Variants in MARCHF1 observed in about 807,000 individuals in gnomAD.
The protein encoded by MARCHF1 is membrane associated ring-CH-type finger 1.
In MARCHF1, 40 loss-of-function variants were observed where a neutral mutation model predicts 54.2. The observed-to-expected ratio is 0.74, with a 90% confidence interval of 0.57 to 0.96. The LOEUF (loss-of-function observed/expected upper bound fraction) is 0.96, where lower values mean the gene tolerates loss of function less well. MARCHF1 is among the 40% of genes least tolerant of loss of function. MARCHF1 has a pLI of 0.00. For missense variants in MARCHF1, 586 were observed against 656.5 expected, an observed-to-expected ratio of 0.89 and a Z score of 1.17; for synonymous variants, 236 against 236.3, an observed-to-expected ratio of 1.00 and a Z score of 0.01.
At chr4:164,093,021 C>T (rs1579526589) in intron 2 of MARCHF1, among the ~76,000 whole-genome samples, 3 of 152,030 alleles carry the variant, frequency 2.0e-5, no homozygotes, top group South Asian at 2.1e-4. Flanking sequence ...ATTTGAAGGT[C>T]GGGTTAATAA....
At chr4:164,322,452 G>A (rs1318031268) in intron 1 of MARCHF1, among the ~76,000 whole-genome samples, 2 of 151,834 alleles carry the variant, frequency 1.3e-5, no homozygotes, top group Admixed American at 1.3e-4. Context: ...GGGAGGTGGG[G>A]GTGGTTAATT....
At chr4:163,741,410 C>A (rs1746191317) in intron 4 of MARCHF1, among the ~76,000 whole-genome samples, 1 of 151,774 alleles carries the variant, frequency 6.6e-6, no homozygotes, top group Admixed American at 6.6e-5. Flanking sequence ...CATGATGAAA[C>A]CCCATCTCTA....
intron 1 of MARCHF1, among the ~76,000 whole-genome samples, chr4:164,191,162 G>A (rs1050767838): frequency 2.0e-5 from 3 of 152,134 alleles, no homozygotes. Context: ...TTCGGAGTAT[G>A]GATTGAACGT....
At chr4:164,288,627 T>C (rs1473592178) in intron 1 of MARCHF1, among the ~76,000 whole-genome samples, 1 of 152,082 alleles carries the variant, frequency 6.6e-6, no homozygotes, top group Non-Finnish European at 1.5e-5. Flanking sequence ...TTAAATGCCA[T>C]ACTAGAAGAT....
chr4:163,979,264 T>C (rs1203383473), intron 3 of MARCHF1, among the ~76,000 whole-genome samples: 14 of 120,724 alleles, frequency 1.2e-4, no homozygotes, highest in East Asian at 2.6e-4. Flanking sequence ...AGTGAGAATA[T>C]GCGGTGTTTG....
intron 8 of MARCHF1, among the ~76,000 whole-genome samples, chr4:163,560,276 A>T (rs1419166381): frequency 6.6e-6 from 1 of 152,132 alleles, no homozygotes; most frequent in African/African-American, 2.4e-5. Context: ...ATTTTTTTAC[A>T]TTTATTAAAA....
intron 1 of MARCHF1, chr4:164,197,791 T>C: frequency 6.3e-7 from 1 of 1,598,368 alleles, no homozygotes; most frequent in East Asian, 2.2e-5. Flanking sequence ...CCGCACGTTT[T>C]AGGACTTTGA....
At position 163,564,641 on chromosome 4, in the gene MARCHF1, C is replaced by G. The variant is rs184988452; in HGVS notation, c.1192-18898G>C. On this transcript the variant is annotated intron_variant, in intron 8 of 9. Coordinates refer to ENST00000514618, the MANE Select transcript of MARCHF1 (RefSeq NM_001394959.1). Reference sequence around the variant, plus strand: ...AAAACCTAGATCAGTGAGTGAGTGACTAAGAATTACTTCAAATTACCATGT... The same window carrying G: ...AAAACCTAGATCAGTGAGTGAGTGAGTAAGAATTACTTCAAATTACCATGT... Among the ~76,000 whole-genome samples the G allele has an allele frequency of 2.0e-5, 3 of 152,270 alleles. No homozygotes were observed. The East Asian group carries it at 5.8e-4, about 29-fold the overall frequency.
intron 5 of MARCHF1, among the ~76,000 whole-genome samples, chr4:163,670,844 T>A (rs1743712099): frequency 1.3e-5 from 2 of 152,236 alleles, no homozygotes. Context: ...TAAGTGTTCC[T>A]TTTATTTTTT....
chr4:163,647,410 G>A (rs1742801926), intron 5 of MARCHF1, among the ~76,000 whole-genome samples: 1 of 151,984 alleles, frequency 6.6e-6, no homozygotes, highest in Non-Finnish European at 1.5e-5. Flanking sequence ...TAGGTGAAAT[G>A]GACCTAACAG....
intron 5 of MARCHF1, among the ~76,000 whole-genome samples, chr4:163,654,839 A>C (rs1533151): frequency 0.17 from 26,047 of 151,598 alleles, 2,763 homozygotes; most frequent in East Asian, 0.42. Flanking sequence ...GTTTCATGAC[A>C]ATCTGTCATT....
chr4:164,000,023 G>A (rs1753155923), intron 2 of MARCHF1, among the ~76,000 whole-genome samples: 1 of 151,654 alleles, frequency 6.6e-6, no homozygotes, highest in African/African-American at 2.4e-5. Context: ...GATTGATCAT[G>A]GATCCCTGAT....
rs781131389 is a variant in MARCHF1 at position 163,526,074 on chromosome 4, A to ATAT, written c.*2671_*2673dup. ...TTTTAACCTGCCAGGAAGCTATATT[A>ATAT]TATTATTTTCTCATTTCAACAATGT... On this transcript the variant is annotated 3_prime_UTR_variant, in exon 10 of 10. Transcript: ENST00000514618. The ATAT allele has an allele frequency of 1.3e-5, 2 of 152,174 alleles. No individual in the cohort carries two copies. The highest frequency in any genetic ancestry group is 6.5e-5 in the Admixed American group (1 of 15,270). 9.4% of individuals were successfully genotyped at this position (152,174 alleles called of 1,614,324 possible). A position where few individuals can be genotyped will look rare whatever the true frequency, so the allele number is the denominator to read the frequency against.
At chr4:163,792,355 G>T (rs530332402) in intron 4 of MARCHF1, among the ~76,000 whole-genome samples, 1 of 152,196 alleles carries the variant, frequency 6.6e-6, no homozygotes, top group African/African-American at 2.4e-5. Context: ...TGTTTCAATG[G>T]ATTGTAAATA....
At chr4:163,706,461 G>A (rs566860400) in intron 4 of MARCHF1, among the ~76,000 whole-genome samples, 5 of 152,032 alleles carry the variant, frequency 3.3e-5, no homozygotes, top group African/African-American at 9.6e-5. Flanking sequence ...AAAATCAATA[G>A]CTTTCTTTTA....
chr4:163,633,899 T>C (rs1451217345), intron 5 of MARCHF1, among the ~76,000 whole-genome samples: 7 of 152,204 alleles, frequency 4.6e-5, no homozygotes, highest in Non-Finnish European at 1.0e-4. Context: ...GCGGATCTCA[T>C]GGCAGACACC....
At chr4:164,327,471 G>T (rs1010227107) in intron 1 of MARCHF1, among the ~76,000 whole-genome samples, 1 of 152,268 alleles carries the variant, frequency 6.6e-6, no homozygotes, top group East Asian at 1.9e-4. Context: ...GAGGAATGTG[G>T]TGAGGTGGTT....
chr4:164,293,637 A>T (rs900823142), intron 1 of MARCHF1, among the ~76,000 whole-genome samples: 51 of 152,264 alleles, frequency 3.3e-4, no homozygotes, highest in African/African-American at 1.2e-3. Flanking sequence ...ACTACTATGC[A>T]TGTAATAAAT....
In MARCHF1 at chr4:163,770,521, AACACACACACACACACACACACACAC is replaced by A. The variant is rs36201521; in HGVS notation, c.112-69684_112-69659del. Among the ~76,000 whole-genome samples the A allele has an allele frequency of 2.8e-3, 418 of 147,302 alleles. 1 individual carries two copies. Among genetic ancestry groups the A allele is most frequent in the African/African-American group, 0.01 (402 of 39,520 alleles). On this transcript the variant is annotated intron_variant, in intron 4 of 9. Transcript: ENST00000514618. Reference sequence around the variant, plus strand: ...TGTTAGAATACATTTTCCCTCACTGAACACACACACACACACACACACACACACACACACACACACACAAACACACA... The same window carrying A: ...TGTTAGAATACATTTTCCCTCACTGAACACACACACACACACAAACACACA...
Sources: allele counts gnomAD v4.1 joint callset (sites outside exome capture counted in the v4.1 genomes callset), GRCh38; gene constraint gnomAD v4.1.1; transcripts MANE v1.5; gene names NCBI Gene and HGNC (gene_info 2026-07-23, HGNC 2026-07-21).